The following FOXP1 variants were observed in gnomAD, a reference collection of about 807,000 sequenced individuals.
The protein encoded by FOXP1 is forkhead box P1.
In FOXP1, 15 loss-of-function variants were observed where a neutral mutation model predicts 98.2. The observed-to-expected ratio is 0.15, with a 90% confidence interval of 0.10 to 0.24. The LOEUF is 0.24. Ranked by LOEUF, FOXP1 falls within the 10% of genes least tolerant of loss-of-function variation. FOXP1 has a pLI of 1.00. For synonymous variants in FOXP1, 371 were observed against 314.5 expected, an observed-to-expected ratio of 1.18 and a Z score of -1.90; for missense variants, 633 against 848.5, an observed-to-expected ratio of 0.75 and a Z score of 3.15.
rs140060227 is a variant in FOXP1, at chr3:70,987,975, G to C, written c.1146+19C>G. On this transcript the variant is annotated intron_variant, in intron 14 of 20. Transcript: ENST00000649528. ...CTGTGAGTTTTGTTTTTTTCCCCTT[G>C]GTGGGGATCAATACTTACGGGCTGA... is the stretch of plus-strand genomic sequence containing the variant. The C allele has an allele frequency of 3.9e-4, 622 of 1,609,652 alleles. 2 individuals carry two copies. In the African/African-American group the frequency reaches 7.7e-3, roughly 20 times the overall value.
chr3:71,485,125 C>G (rs1377412722), intron 3 of FOXP1, among the ~76,000 whole-genome samples: 1 of 152,148 alleles, frequency 6.6e-6, no homozygotes, highest in East Asian at 1.9e-4. Flanking sequence ...TTAAATTATA[C>G]TGGCAGCTGA....
intron 6 of FOXP1, among the ~76,000 whole-genome samples, chr3:71,186,630 G>T (rs1020650011): frequency 9.2e-5 from 14 of 152,304 alleles, no homozygotes; most frequent in Admixed American, 5.9e-4. Context: ...AGAATCTCTT[G>T]AACCCGGGAG....
intron 6 of FOXP1, among the ~76,000 whole-genome samples, chr3:71,155,692 TGTGTTTCTTCCCCTCA>T (rs1017407339): frequency 6.6e-6 from 1 of 152,228 alleles, no homozygotes; most frequent in African/African-American, 2.4e-5. Flanking sequence ...CCAAGCCATT[TGTGTTTCTTCCCCTCA>T]GCTACAATCT....
intron 3 of FOXP1, among the ~76,000 whole-genome samples, chr3:71,452,899 T>G (rs2087100585): frequency 6.6e-6 from 1 of 152,018 alleles, no homozygotes; most frequent in Admixed American, 6.6e-5. Context: ...CTTACAAGAG[T>G]GCTTTCTGGC....
chr3:71,404,754 GAGA>G (rs2082197670), intron 3 of FOXP1, among the ~76,000 whole-genome samples: 1 of 152,128 alleles, frequency 6.6e-6, no homozygotes, highest in Non-Finnish European at 1.5e-5. Context: ...ATTCACATAT[GAGA>G]AGAATACCAT....
At chr3:71,428,655 A>C (rs1007033101) in intron 3 of FOXP1, among the ~76,000 whole-genome samples, 4 of 152,224 alleles carry the variant, frequency 2.6e-5, no homozygotes, top group African/African-American at 9.6e-5. Flanking sequence ...TTCATGCCCA[A>C]GGTTTGAAAA....
intron 3 of FOXP1, among the ~76,000 whole-genome samples, chr3:71,422,953 G>A (rs1413331125): frequency 1.3e-5 from 2 of 152,088 alleles, no homozygotes; most frequent in African/African-American, 4.8e-5. Flanking sequence ...CCATGTGTAA[G>A]CTAAGACAAG....
intron 2 of FOXP1, among the ~76,000 whole-genome samples, chr3:71,515,498 C>T (rs147408542): frequency 1.3e-4 from 19 of 148,166 alleles, no homozygotes; most frequent in African/African-American, 3.5e-4. Flanking sequence ...ATTGGAATCA[C>T]GCTTGCAGGG....
rs149866535 is a variant in FOXP1 at position 71,445,656 on chromosome 3, T to C, written c.-168+47770A>G. On this transcript the variant is annotated intron_variant, in intron 3 of 20. Coordinates refer to ENST00000649528, the MANE Select transcript of FOXP1 (RefSeq NM_001349338.3). ...TTAACAATGCCTGGCATATTAATAATAGATATAAATATCTATCAATAGATA... is the reference window on the plus strand; with the variant it reads ...TTAACAATGCCTGGCATATTAATAACAGATATAAATATCTATCAATAGATA... Among the ~76,000 whole-genome samples, 4 of 152,096 alleles carry C rather than the reference T, an allele frequency of 2.6e-5. No homozygotes were observed. In the East Asian group the frequency reaches 7.7e-4, roughly 29 times the overall value.
At chr3:71,376,461 T>C (rs901113672) in intron 3 of FOXP1, among the ~76,000 whole-genome samples, 1 of 152,222 alleles carries the variant, frequency 6.6e-6, no homozygotes, top group African/African-American at 2.4e-5. Context: ...TATTGGCTAG[T>C]ACATTCAAAA....
intron 7 of FOXP1, among the ~76,000 whole-genome samples, chr3:71,079,641 A>G (rs995444375): frequency 6.6e-6 from 1 of 152,134 alleles, no homozygotes; most frequent in Non-Finnish European, 1.5e-5. Context: ...AATTAAGAAG[A>G]CCTGTTCACG....
chr3:70,997,714 A>T (rs1259757569), intron 13 of FOXP1, among the ~76,000 whole-genome samples: 1 of 152,238 alleles, frequency 6.6e-6, no homozygotes, highest in Non-Finnish European at 1.5e-5. Context: ...TCGCACTAGC[A>T]AATTATTTTG....
In FOXP1 at chr3:70,977,497, G is replaced by A. The variant is rs890383770; in HGVS notation, c.1428+146C>T. The A allele has an allele frequency of 1.0e-5, 7 of 670,826 alleles. No individual in the cohort carries two copies. The African/African-American group carries it at 1.3e-4, about 12-fold the overall frequency. The allele number at this position is 670,826 out of a possible 1,614,324, so 41.6% of individuals were successfully genotyped here. ...GTAATACTTAATCAAAAGCAATTAT[G>A]TTATATATTGCAGTTTTAAAAAACC... On this transcript the variant is annotated intron_variant, in intron 16 of 20. Transcript: ENST00000649528.
intron 13 of FOXP1, among the ~76,000 whole-genome samples, chr3:70,999,165 C>T (rs889868838): frequency 2.0e-5 from 3 of 152,144 alleles, no homozygotes; most frequent in African/African-American, 2.4e-5. Flanking sequence ...CCTTGGCTCA[C>T]TGCAACCTCT....
intron 5 of FOXP1, among the ~76,000 whole-genome samples, chr3:71,231,761 T>C (rs918237937): frequency 2.6e-5 from 4 of 152,222 alleles, no homozygotes; most frequent in African/African-American, 9.6e-5. Flanking sequence ...GGTGCATAAA[T>C]AATTCTGGTA....
At chr3:71,274,706 G>C (rs1464497) in intron 5 of FOXP1, among the ~76,000 whole-genome samples, 1 of 152,066 alleles carries the variant, frequency 6.6e-6, no homozygotes, top group African/African-American at 2.4e-5. Flanking sequence ...ATACGGAATC[G>C]AAAGTCAGGA....
At chr3:71,120,509 T>C (rs2058682895) in intron 6 of FOXP1, among the ~76,000 whole-genome samples, 1 of 152,216 alleles carries the variant, frequency 6.6e-6, no homozygotes, top group African/African-American at 2.4e-5. Flanking sequence ...TATGAGACAA[T>C]GTCAAGATAG....
chr3:71,226,795 A>C (rs1162374812), intron 5 of FOXP1, among the ~76,000 whole-genome samples: 1 of 151,616 alleles, frequency 6.6e-6, no homozygotes, highest in Non-Finnish European at 1.5e-5. Flanking sequence ...CACTCCCCGC[A>C]CGCACTACCT....
intron 5 of FOXP1, among the ~76,000 whole-genome samples, chr3:71,277,691 T>C (rs1057306061): frequency 1.3e-5 from 2 of 152,148 alleles, no homozygotes; most frequent in African/African-American, 2.4e-5. Context: ...TGCTTCGACA[T>C]TGAATTGATC....
Sources: gnomAD v4.1 joint callset for allele counts (sites outside exome capture counted in the v4.1 genomes callset) on GRCh38, gnomAD v4.1.1 for gene constraint, MANE v1.5 for transcripts, NCBI Gene and HGNC (gene_info 2026-07-23, HGNC 2026-07-21) for gene names.